ZFAT: variants seen among roughly 807,000 people sequenced by gnomAD.
The protein encoded by ZFAT is zinc finger protein ZFAT.
Under a neutral mutation model 117.7 loss-of-function variants are expected in ZFAT, and 64 were observed. The ratio of observed to expected loss-of-function variants is 0.54; its 90% CI spans 0.44 to 0.67. The LOEUF (loss-of-function observed/expected upper bound fraction) is 0.67, where lower values mean the gene tolerates loss of function less well. ZFAT is among the 30% of genes least tolerant of loss of function. The pLI is 0.00. For missense variants in ZFAT, 1,433 were observed against 1,584.5 expected (o/e 0.90, Z 1.62); for synonymous variants, 679 against 615.0 (o/e 1.10, Z -1.54).
At chr8:134,593,109 T>G (rs1028860168) in intron 7 of ZFAT, among the ~76,000 whole-genome samples, 8 of 152,240 alleles carry the variant, frequency 5.3e-5, no homozygotes, top group African/African-American at 1.9e-4. Flanking sequence ...GCGGGCATCC[T>G]GGAGGAGACC....
At chr8:134,661,192 C>T (rs752351516) in intron 1 of ZFAT, among the ~76,000 whole-genome samples, 2 of 152,122 alleles carry the variant, frequency 1.3e-5, no homozygotes, top group Admixed American at 6.5e-5. Flanking sequence ...CCAGGAAGGG[C>T]GCGTGGGCAG....
chr8:134,828,473 C>G, the ZFAT span, among the ~76,000 whole-genome samples: 1 of 152,260 alleles, frequency 6.6e-6, no homozygotes, highest in Non-Finnish European at 1.5e-5. Context: ...TCCTTCAAAC[C>G]CCTTCTCTAA....
chr8:134,656,324 A>C (rs887250393), intron 2 of ZFAT, among the ~76,000 whole-genome samples: 1 of 152,210 alleles, frequency 6.6e-6, no homozygotes, highest in Non-Finnish European at 1.5e-5. Context: ...GGGAGAGGAC[A>C]GGTCTGCTCA....
intron 1 of ZFAT, among the ~76,000 whole-genome samples, chr8:134,667,492 C>CAAAAAAAAAA (rs34820180): frequency 1.6e-5 from 1 of 64,222 alleles, no homozygotes; most frequent in Non-Finnish European, 3.0e-5. Flanking sequence ...GACTAAGTCT[C>CAAAAAAAAAA]AAAAAAAAAA....
At chr8:134,553,570 T>C (rs1405807067) in intron 11 of ZFAT, among the ~76,000 whole-genome samples, 1 of 152,162 alleles carries the variant, frequency 6.6e-6, no homozygotes, top group Non-Finnish European at 1.5e-5. Flanking sequence ...TAAGTGAATA[T>C]GACTGTGTGA....
At chr8:134,816,141 AC>A in the ZFAT span, among the ~76,000 whole-genome samples, 1 of 152,202 alleles carries the variant, frequency 6.6e-6, no homozygotes, top group African/African-American at 2.4e-5. Flanking sequence ...ATCTCATTTA[AC>A]TTCATGACAA....
upstream of ZFAT, among the ~76,000 whole-genome samples, chr8:134,716,326 A>G (rs1814211675): frequency 6.6e-6 from 1 of 152,174 alleles, no homozygotes; most frequent in African/African-American, 2.4e-5. Context: ...AAAATCATAT[A>G]AAAGAGAAGG....
chr8:134,652,017 A>T (rs921439574), intron 2 of ZFAT, among the ~76,000 whole-genome samples: 8 of 152,056 alleles, frequency 5.3e-5, no homozygotes, highest in Admixed American at 4.6e-4. Context: ...AAAAATATAT[A>T]TTAAAAATAA....
the ZFAT span, among the ~76,000 whole-genome samples, chr8:134,787,305 CT>C: frequency 0.089 from 13,504 of 152,228 alleles, 670 homozygotes; most frequent in South Asian, 0.14. Flanking sequence ...TCATTATTTC[CT>C]TTCGCATTTA....
At chr8:134,565,586 T>G in intron 10 of ZFAT, 165 bp from the exon 11 acceptor site, 1 of 741,902 alleles carries the variant, frequency 1.3e-6, no homozygotes, top group Middle Eastern at 2.3e-4. Context: ...TGCAGCATGC[T>G]CAGTCTTCAA....
chr8:134,628,525 A>G (rs2131057290), intron 3 of ZFAT, among the ~76,000 whole-genome samples: 1 of 152,318 alleles, frequency 6.6e-6, no homozygotes, highest in South Asian at 2.1e-4. Context: ...AACGCTAGGG[A>G]GACAAGGTGG....
the ZFAT span, among the ~76,000 whole-genome samples, chr8:134,816,806 C>T: frequency 6.6e-6 from 1 of 151,818 alleles, no homozygotes; most frequent in Non-Finnish European, 1.5e-5. Flanking sequence ...TATGGTGGAA[C>T]CCAGTCTCTA....
the ZFAT span, among the ~76,000 whole-genome samples, chr8:134,808,605 G>A: frequency 6.6e-6 from 1 of 152,122 alleles, no homozygotes; most frequent in African/African-American, 2.4e-5. Context: ...CTACTTTGCC[G>A]AATTCTGAAG....
intron 10 of ZFAT, among the ~76,000 whole-genome samples, chr8:134,565,906 G>A (rs980045333): frequency 1.3e-5 from 2 of 152,150 alleles, no homozygotes; most frequent in African/African-American, 4.8e-5. Context: ...TGCTGGCCCA[G>A]AATATCAAGG....
intron 5 of ZFAT, among the ~76,000 whole-genome samples, chr8:134,604,547 G>A (rs560720605): frequency 1.4e-4 from 22 of 152,338 alleles, no homozygotes; most frequent in Middle Eastern, 3.4e-3. Context: ...TTCTTCTCCA[G>A]CCGTAACTGC....
At chr8:134,667,119 C>T (rs760830972) in intron 1 of ZFAT, among the ~76,000 whole-genome samples, 6 of 152,140 alleles carry the variant, frequency 3.9e-5, no homozygotes, top group Non-Finnish European at 5.9e-5. Context: ...GAACATCACA[C>T]ACTGGGGCCT....
At chr8:134,493,668 A>T (rs893029407) in intron 15 of ZFAT, among the ~76,000 whole-genome samples, 3 of 152,244 alleles carry the variant, frequency 2.0e-5, no homozygotes, top group African/African-American at 4.8e-5. Context: ...GGCACAGGGC[A>T]GGTGCGTGAG....
intron 15 of ZFAT, among the ~76,000 whole-genome samples, chr8:134,500,509 A>G (rs532686719): frequency 1.3e-5 from 2 of 152,326 alleles, no homozygotes; most frequent in South Asian, 4.1e-4. Context: ...GGCCACAGAT[A>G]TATCATGGGG....
At chr8:134,533,459 C>T (rs1040448014) in intron 11 of ZFAT, among the ~76,000 whole-genome samples, 5 of 152,318 alleles carry the variant, frequency 3.3e-5, no homozygotes, top group Middle Eastern at 6.8e-3. Context: ...AGTGCAAGTA[C>T]GCTATACCTT....
Sources: allele counts gnomAD v4.1 joint callset (sites outside exome capture counted in the v4.1 genomes callset), GRCh38; gene constraint gnomAD v4.1.1; transcripts MANE v1.5; gene names NCBI Gene and HGNC (gene_info 2026-07-23, HGNC 2026-07-21).